Variants in POLR2F observed in about 807,000 individuals in gnomAD.
POLR2F encodes DNA-directed RNA polymerases I, II, and III subunit RPABC2.
In POLR2F, 12 loss-of-function variants were observed where a neutral mutation model predicts 22.7. The observed-to-expected ratio is 0.53, with a 90% CI of 0.34 to 0.86. The LOEUF is 0.86. Ranked by LOEUF, POLR2F falls within the 40% of genes least tolerant of loss-of-function variation. The pLI is 0.02. For missense variants in POLR2F, 126 were observed against 171.5 expected, an observed-to-expected ratio of 0.73 and a Z score of 1.48; for synonymous variants, 57 against 66.0, an observed-to-expected ratio of 0.86 and a Z score of 0.66.
At chr22:37,974,024 G>A (rs1253041611), downstream of POLR2F, 2 of 1,613,810 alleles carry the variant, frequency 1.2e-6, no homozygotes, top group Non-Finnish European at 1.7e-6. The surrounding 1 kb of genome is among the most constrained non-coding windows in gnomAD (Gnocchi z 5.4). Flanking sequence ...CACATCAAAG[G>A]TCTCCATGTT....
At chr22:38,037,105 G>C (rs1289821341) in intron 5 of POLR2F, among the ~76,000 whole-genome samples, 1 of 152,168 alleles carries the variant, frequency 6.6e-6, no homozygotes, top group Admixed American at 6.5e-5. Context: ...TTCCTGAGGA[G>C]AGAGGAGAAT....
Position 37,967,187 on chromosome 22 carries a change from A to T in POLR2F, c.293+17A>T. 1 of 1,610,512 alleles carries T rather than the reference A, an allele frequency of 6.2e-7. No individual in the cohort carries two copies. The highest frequency in any genetic ancestry group is 2.2e-5 in the East Asian group (1 of 44,862). On this transcript the variant is annotated intron_variant, in intron 4 of 4. Transcript: ENST00000442738. ...GGAACTCAAGTAAGTCACTCAAATC[A>T]TGGTTCACTTCTCCAAATCTCTGGG...
chr22:38,028,067 G>T (rs1433406939), downstream of POLR2F, among the ~76,000 whole-genome samples: 1 of 152,160 alleles, frequency 6.6e-6, no homozygotes, highest in African/African-American at 2.4e-5. Context: ...CTGCATCACC[G>T]AAAGTCCCTG....
downstream of POLR2F, chr22:37,973,483 A>T: frequency 6.5e-7 from 1 of 1,544,092 alleles, no homozygotes; most frequent in South Asian, 1.2e-5. Flanking sequence ...GGTGGTGGCG[A>T]CAGGGCCCCC....
At chr22:38,008,316 C>G (rs2084841054) in intron 1 of POLR2F, among the ~76,000 whole-genome samples, 1 of 151,282 alleles carries the variant, frequency 6.6e-6, no homozygotes, top group African/African-American at 2.4e-5. Flanking sequence ...TTGAGAGCCC[C>G]AGGTGGGCGG....
downstream of POLR2F, among the ~76,000 whole-genome samples, chr22:38,028,925 G>A (rs995903454): frequency 6.6e-6 from 1 of 152,246 alleles, no homozygotes; most frequent in South Asian, 2.1e-4. Context: ...CTCCATCACA[G>A]CTCATTGATG....
chr22:37,970,903 C>T (rs1036445586), downstream of POLR2F: 1 of 246,590 alleles, frequency 4.1e-6, no homozygotes, highest in African/African-American at 2.2e-5. Flanking sequence ...TATGACTTTG[C>T]AATGGATATT....
chr22:37,981,948 CG>C (rs1411918435), upstream of POLR2F, among the ~76,000 whole-genome samples: 1 of 152,142 alleles, frequency 6.6e-6, no homozygotes, highest in Non-Finnish European at 1.5e-5. Flanking sequence ...GGCCAGGGGG[CG>C]GGATGTGAAT....
intron 3 of POLR2F, among the ~76,000 whole-genome samples, chr22:37,965,871 T>G (rs1931833621): frequency 6.6e-6 from 1 of 152,144 alleles, no homozygotes; most frequent in South Asian, 2.1e-4. Flanking sequence ...TCCTGTTAAT[T>G]CTGGATTTGT....
At chr22:38,039,109 T>C (rs553504787) in intron 5 of POLR2F, among the ~76,000 whole-genome samples, 1 of 152,242 alleles carries the variant, frequency 6.6e-6, no homozygotes, top group South Asian at 2.1e-4. Context: ...GCGGCTCCCC[T>C]CTGACGACTG....
intron 3 of POLR2F, among the ~76,000 whole-genome samples, chr22:37,966,183 C>T (rs541104587): frequency 2.6e-5 from 4 of 152,268 alleles, no homozygotes; most frequent in South Asian, 2.1e-4. Context: ...CTGAACCTCT[C>T]GCAGGTTTTT....
At chr22:37,969,319 G>T, downstream of POLR2F, 1 of 985,388 alleles carries the variant, frequency 1.0e-6, no homozygotes, top group African/African-American at 1.7e-5. Flanking sequence ...ACCACTATTG[G>T]TTCTGTTTTC....
At chr22:37,991,216 T>TGCCCAA (rs139890) in intron 1 of POLR2F, among the ~76,000 whole-genome samples, 143,696 of 152,002 alleles carry the variant, frequency 0.95, 68,033 homozygotes, top group East Asian at 1. Context: ...CCACCTCCTG[T>TGCCCAA]GCAATTCTCC....
chr22:38,004,443 G>A (rs963542032), intron 1 of POLR2F, among the ~76,000 whole-genome samples: 10 of 152,288 alleles, frequency 6.6e-5, no homozygotes, highest in African/African-American at 2.4e-4. Context: ...CTTCCTGAGC[G>A]CTCACTGTGG....
intron 1 of POLR2F, among the ~76,000 whole-genome samples, chr22:38,011,858 T>C (rs778854971): frequency 1.8e-4 from 27 of 152,074 alleles, no homozygotes; most frequent in South Asian, 4.1e-4. Context: ...GTGGGGAGAA[T>C]TGATATCTCA....
chr22:37,969,615 G>A (rs1373253472), downstream of POLR2F, among the ~76,000 whole-genome samples: 1 of 152,072 alleles, frequency 6.6e-6, no homozygotes, highest in Admixed American at 6.6e-5. Flanking sequence ...CTCATCCCAC[G>A]GCGAGCAGGA....
At chr22:37,977,822 ACT>A in intron 4 of POLR2F, 1 of 1,580,404 alleles carries the variant, frequency 6.3e-7, no homozygotes, top group Non-Finnish European at 8.6e-7. Flanking sequence ...TCCTGTCTCC[ACT>A]GACTGGCCTT....
downstream of POLR2F, chr22:37,973,948 G>A (rs754568838): frequency 2.1e-5 from 34 of 1,610,820 alleles, no homozygotes; most frequent in Middle Eastern, 1.6e-4. Context: ...GCCCATAGCC[G>A]GCTGCTGAGT....
chr22:37,992,311 T>C (rs1932743293), intron 1 of POLR2F, among the ~76,000 whole-genome samples: 1 of 152,110 alleles, frequency 6.6e-6, no homozygotes. Context: ...AAATGGTAGC[T>C]ATTGTTACCA....
Sources: allele counts gnomAD v4.1 joint callset (sites outside exome capture counted in the v4.1 genomes callset), GRCh38; gene constraint gnomAD v4.1.1; non-coding constraint Gnocchi (gnomAD v3.1); transcripts MANE v1.5; gene names NCBI Gene and HGNC (gene_info 2026-07-23, HGNC 2026-07-21).